CTNNA3: variants seen among roughly 807,000 people sequenced by gnomAD.
CTNNA3 encodes catenin alpha-3.
Under a neutral mutation model 95.7 loss-of-function variants are expected in CTNNA3, and 76 were observed. The ratio of observed to expected loss-of-function variants is 0.79; its 90% CI spans 0.66 to 0.96. The LOEUF (loss-of-function observed/expected upper bound fraction) is 0.96. Among genes scored for constraint, CTNNA3 ranks in the 40% least tolerant of loss-of-function variants. The pLI, the probability that CTNNA3 is intolerant of heterozygous loss-of-function variation, is 0.00. For synonymous variants in CTNNA3, 431 were observed against 374.4 expected, an observed-to-expected ratio of 1.15 and a Z score of -1.74; for missense variants, 1,191 against 1,089.8, an observed-to-expected ratio of 1.09 and a Z score of -1.31.
chr10:67,304,817 G>A (rs1283628374), intron 5 of CTNNA3, among the ~76,000 whole-genome samples: 1 of 152,004 alleles, frequency 6.6e-6, no homozygotes, highest in Non-Finnish European at 1.5e-5. Context: ...TACAAAGCAG[G>A]TTATGTACTC....
At chr10:67,221,221 G>A (rs1369689197) in intron 5 of CTNNA3, among the ~76,000 whole-genome samples, 2 of 152,084 alleles carry the variant, frequency 1.3e-5, no homozygotes, top group Non-Finnish European at 2.9e-5. Context: ...TAACAATGGA[G>A]AAAACTGGAA....
At chr10:66,458,635 G>A (rs774682017) in intron 11 of CTNNA3, among the ~76,000 whole-genome samples, 9 of 152,036 alleles carry the variant, frequency 5.9e-5, no homozygotes, top group South Asian at 4.2e-4. Context: ...CTGCCTCTAC[G>A]GATTTAACTA....
intron 5 of CTNNA3, among the ~76,000 whole-genome samples, chr10:67,442,285 G>C (rs1437751105): frequency 2.6e-5 from 4 of 151,490 alleles, no homozygotes. Context: ...TCACCTTCAT[G>C]GGGAAAAAAG....
At chr10:67,284,647 T>A (rs923834095) in intron 5 of CTNNA3, among the ~76,000 whole-genome samples, 1 of 152,210 alleles carries the variant, frequency 6.6e-6, no homozygotes, top group East Asian at 1.9e-4. Flanking sequence ...CATTTTTTTA[T>A]CTAAGCCAAT....
intron 7 of CTNNA3, among the ~76,000 whole-genome samples, chr10:66,845,727 A>T (rs1214575690): frequency 4.9e-4 from 46 of 93,996 alleles, no homozygotes; most frequent in Non-Finnish European, 7.5e-4. Flanking sequence ...AAAAAAAAAA[A>T]AACTAAAAAG....
At chr10:66,372,852 A>G (rs1317447179) in intron 12 of CTNNA3, among the ~76,000 whole-genome samples, 1 of 152,126 alleles carries the variant, frequency 6.6e-6, no homozygotes, top group Non-Finnish European at 1.5e-5. Flanking sequence ...AACCACCCCC[A>G]TGATTCAATT....
intron 7 of CTNNA3, among the ~76,000 whole-genome samples, chr10:67,155,720 T>A (rs1861285285): frequency 6.6e-6 from 1 of 152,148 alleles, no homozygotes; most frequent in Non-Finnish European, 1.5e-5. Flanking sequence ...TAGCATAAAG[T>A]AAAACTTACT....
Position 66,012,192 on chromosome 10 carries a change from A to C in CTNNA3, c.2160-23395T>G, listed in dbSNP as rs566625200. Among the ~76,000 whole-genome samples the C allele has an allele frequency of 2.0e-5, 3 of 152,352 alleles. No individual in the cohort carries two copies. In the East Asian group the frequency reaches 5.8e-4, roughly 29 times the overall value. On this transcript the variant is annotated intron_variant, in intron 15 of 17. Coordinates refer to ENST00000433211, the MANE Select transcript of CTNNA3 (RefSeq NM_013266.4). The stretch of plus-strand genomic sequence containing the variant: ...TGAAATCAAATAGGGAAAAGAGTAA[A>C]GTTAAAAAAACAAATGAACATGTAA...
At chr10:67,059,391 T>C (rs1244832582) in intron 7 of CTNNA3, among the ~76,000 whole-genome samples, 1 of 152,006 alleles carries the variant, frequency 6.6e-6, no homozygotes, top group East Asian at 1.9e-4. Flanking sequence ...GAGGAGTAAA[T>C]AAAGAATTGA....
chr10:66,153,911 T>C (rs1159183349), intron 13 of CTNNA3, among the ~76,000 whole-genome samples: 2 of 151,380 alleles, frequency 1.3e-5, no homozygotes, highest in African/African-American at 4.8e-5. Context: ...ACATAATAAG[T>C]TTTTTTGTTT....
intron 5 of CTNNA3, among the ~76,000 whole-genome samples, chr10:67,368,093 C>T (rs772563522): frequency 1.3e-5 from 2 of 152,020 alleles, no homozygotes; most frequent in Non-Finnish European, 2.9e-5. Context: ...TGAAAAAGTA[C>T]ACCACGGAAT....
At chr10:67,705,848 G>A (rs569902784) in intron 1 of CTNNA3, among the ~76,000 whole-genome samples, 42 of 151,524 alleles carry the variant, frequency 2.8e-4, no homozygotes, top group Non-Finnish European at 4.1e-4. Flanking sequence ...CTCTCCTAGC[G>A]TAACCGACAT....
chr10:66,403,543 G>A (rs1186662608), intron 11 of CTNNA3, among the ~76,000 whole-genome samples: 1 of 152,082 alleles, frequency 6.6e-6, no homozygotes, highest in Admixed American at 6.6e-5. Flanking sequence ...GAGCAGCATG[G>A]AGGGAACTGC....
intron 7 of CTNNA3, among the ~76,000 whole-genome samples, chr10:66,834,492 A>T (rs186829776): frequency 4.1e-4 from 63 of 152,348 alleles, no homozygotes; most frequent in African/African-American, 1.5e-3. Flanking sequence ...TTTATAGATG[A>T]GAAAAGTGAG....
At chr10:66,386,053 C>T (rs894765459) in intron 11 of CTNNA3, among the ~76,000 whole-genome samples, 1 of 152,188 alleles carries the variant, frequency 6.6e-6, no homozygotes, top group African/African-American at 2.4e-5. Flanking sequence ...GACGCCCTCA[C>T]TCACCACTCC....
intron 7 of CTNNA3, among the ~76,000 whole-genome samples, chr10:66,786,144 C>T (rs1415113839): frequency 6.6e-6 from 1 of 152,112 alleles, no homozygotes; most frequent in Non-Finnish European, 1.5e-5. Flanking sequence ...GGGCAGAGCT[C>T]CCTGTAGTTG....
rs537435213 is a variant in CTNNA3 at position 67,311,649 on chromosome 10, AAATTGAATGT to A, written c.580-91789_580-91780del. Among the ~76,000 whole-genome samples, 549 of 152,306 alleles carry A rather than the reference AAATTGAATGT, an allele frequency of 3.6e-3. 1 individual carries two copies. Among genetic ancestry groups the A allele is most frequent in the Admixed American group, 7.1e-3 (109 of 15,296 alleles). On this transcript the variant is annotated intron_variant, in intron 5 of 17. Coordinates refer to ENST00000433211, the MANE Select transcript of CTNNA3 (RefSeq NM_013266.4). ...CATACCTCAATAAAGTTGATTTTAAAAATTGAATGTTTAGTAAAGCACACTCACAGACATA... is the reference window on the plus strand; with the variant it reads ...CATACCTCAATAAAGTTGATTTTAAATTAGTAAAGCACACTCACAGACATA...
chr10:66,276,432 C>T (rs1254852656), intron 13 of CTNNA3, among the ~76,000 whole-genome samples: 1 of 152,026 alleles, frequency 6.6e-6, no homozygotes, highest in Non-Finnish European at 1.5e-5. Context: ...TTAAAATTTC[C>T]TCCATTTGTG....
intron 5 of CTNNA3, among the ~76,000 whole-genome samples, chr10:67,462,839 C>T (rs1211629944): frequency 6.6e-6 from 1 of 152,032 alleles, no homozygotes; most frequent in African/African-American, 2.4e-5. Flanking sequence ...ACAGAGTTTT[C>T]TTTTCCATCA....
Sources: gnomAD v4.1 joint callset for allele counts (sites outside exome capture counted in the v4.1 genomes callset) on GRCh38, gnomAD v4.1.1 for gene constraint, MANE v1.5 for transcripts, NCBI Gene and HGNC (gene_info 2026-07-23, HGNC 2026-07-21) for gene names.